Variants in NCALD observed in about 807,000 individuals in gnomAD.
NCALD encodes neurocalcin delta, also known as neurocalcin-delta.
Under a neutral mutation model 18.6 loss-of-function variants are expected in NCALD, and 10 were observed. The observed-to-expected ratio is 0.54, with a 90% CI of 0.33 to 0.91. The LOEUF (loss-of-function observed/expected upper bound fraction) is 0.91. Ranked by LOEUF, NCALD falls within the 40% of genes least tolerant of loss-of-function variation. The pLI is 0.03. For missense variants in NCALD, 184 were observed against 247.6 expected (o/e 0.74, Z 1.72); for synonymous variants, 88 against 87.4 (o/e 1.01, Z -0.04).
chr8:101,776,772 A>G (rs1308296664), intron 1 of NCALD, among the ~76,000 whole-genome samples: 1 of 152,192 alleles, frequency 6.6e-6, no homozygotes, highest in East Asian at 1.9e-4. Context: ...ACATTTGCAA[A>G]GAAGACTGAT....
chr8:101,965,997 C>T (rs1357748674), intron 2 of NCALD, among the ~76,000 whole-genome samples: 1 of 151,892 alleles, frequency 6.6e-6, no homozygotes, highest in African/African-American at 2.4e-5. Flanking sequence ...TAATAAACAA[C>T]ATAAATGTTT....
intron 1 of NCALD, among the ~76,000 whole-genome samples, chr8:101,754,679 T>C (rs142029011): frequency 7.0e-4 from 106 of 152,268 alleles, no homozygotes; most frequent in African/African-American, 2.5e-3. Flanking sequence ...ATTCAGACCA[T>C]AGCAGGTGTT....
rs114275583 is a variant in NCALD, at chr8:101,995,456, C to T, written c.-157+24781G>A. On this transcript the variant is annotated intron_variant, in intron 2 of 6. Coordinates refer to the NCALD transcript ENST00000311028. ...GGTTCTGCAGGCTGTATAGGAAGCACAGTGGCATATGCTTCTGGGGAGGCC... is the reference window on the plus strand; with the variant it reads ...GGTTCTGCAGGCTGTATAGGAAGCATAGTGGCATATGCTTCTGGGGAGGCC... Among the ~76,000 whole-genome samples the T allele has an allele frequency of 7.5e-3, 1,148 of 152,234 alleles. 14 individuals carry two copies. The highest frequency in any genetic ancestry group is 0.023 in the African/African-American group (949 of 41,514).
chr8:101,749,739 G>A (rs1383359233), intron 1 of NCALD, among the ~76,000 whole-genome samples: 2 of 152,152 alleles, frequency 1.3e-5, no homozygotes, highest in Non-Finnish European at 1.5e-5. Context: ...CACTGGGTGA[G>A]CCCTCCAGTC....
chr8:101,976,973 G>A (rs34417909), intron 2 of NCALD, among the ~76,000 whole-genome samples: 23,566 of 151,898 alleles, frequency 0.16, 2,604 homozygotes, highest in African/African-American at 0.31. Flanking sequence ...AGTTAGGGAG[G>A]GCCCCTGACC....
At chr8:101,953,903 G>C (rs909624581) in intron 2 of NCALD, among the ~76,000 whole-genome samples, 4 of 152,250 alleles carry the variant, frequency 2.6e-5, no homozygotes, top group Non-Finnish European at 5.9e-5. Context: ...ATCAATCCCA[G>C]AGCTTGTGGC....
chr8:102,003,629 A>G (rs192748459), intron 2 of NCALD, among the ~76,000 whole-genome samples: 1 of 152,358 alleles, frequency 6.6e-6, no homozygotes, highest in African/African-American at 2.4e-5. Context: ...AAAATCCTCA[A>G]TAAAATACTG....
intron 4 of NCALD, among the ~76,000 whole-genome samples, chr8:101,796,699 T>C (rs990849554): frequency 2.0e-5 from 3 of 152,114 alleles, no homozygotes; most frequent in Non-Finnish European, 4.4e-5. Flanking sequence ...GAAAGGCTAA[T>C]GTGAATTTGA....
intron 2 of NCALD, among the ~76,000 whole-genome samples, chr8:102,014,206 G>A (rs1328459543): frequency 6.6e-6 from 1 of 152,190 alleles, no homozygotes; most frequent in African/African-American, 2.4e-5. Context: ...CAGTTCTGGA[G>A]GCTGGGAAGT....
intron 4 of NCALD, among the ~76,000 whole-genome samples, chr8:101,858,575 G>A (rs1274380255): frequency 6.6e-6 from 1 of 152,058 alleles, no homozygotes; most frequent in Non-Finnish European, 1.5e-5. Flanking sequence ...TAAGACCAGA[G>A]GCTGAAAATG....
At chr8:102,088,180 C>A (rs995987275) in intron 1 of NCALD, among the ~76,000 whole-genome samples, 1 of 152,202 alleles carries the variant, frequency 6.6e-6, no homozygotes, top group African/African-American at 2.4e-5. Flanking sequence ...GGGAGCTTGA[C>A]CTTGTAACCA....
intron 1 of NCALD, among the ~76,000 whole-genome samples, chr8:102,091,265 A>C (rs1824915576): frequency 6.6e-6 from 1 of 152,248 alleles, no homozygotes; most frequent in South Asian, 2.1e-4. Context: ...AAAGCAAATC[A>C]GTCTTACCAG....
intron 1 of NCALD, among the ~76,000 whole-genome samples, chr8:102,068,883 A>G (rs982289949): frequency 4.6e-5 from 7 of 152,360 alleles, no homozygotes; most frequent in Middle Eastern, 3.4e-3. Flanking sequence ...TGGCAGCACC[A>G]TAAATGAACC....
At chr8:101,869,039 C>T (rs540197395) in intron 4 of NCALD, among the ~76,000 whole-genome samples, 1 of 152,308 alleles carries the variant, frequency 6.6e-6, no homozygotes, top group South Asian at 2.1e-4. Flanking sequence ...GCAGACAAAA[C>T]AGTTCTAGTG....
intron 3 of NCALD, 97 bp downstream of exon 3, chr8:101,692,694 C>T: frequency 7.0e-7 from 1 of 1,428,282 alleles, no homozygotes; most frequent in Non-Finnish European, 9.6e-7. Flanking sequence ...ATGAGCCGCT[C>T]ACATTGAAGG....
chr8:101,907,303 T>C (rs1032569307), intron 3 of NCALD, among the ~76,000 whole-genome samples: 1 of 152,200 alleles, frequency 6.6e-6, no homozygotes, highest in Non-Finnish European at 1.5e-5. Flanking sequence ...ACTAAATCTT[T>C]CCTCTTGGCT....
chr8:101,819,551 AT>A lies in NCALD; in HGVS notation c.-20+67589del, dbSNP rs564493650. On this transcript the variant is annotated intron_variant, in intron 4 of 6. Coordinates refer to the NCALD transcript ENST00000311028. ...TATCCCAGTGAGATTATTATTCCTT[AT>A]TTTTTACTATATAAGCGCTACATTG... Among the ~76,000 whole-genome samples, 242 of 151,822 alleles carry A rather than the reference AT, an allele frequency of 1.6e-3. 2 individuals carry two copies. The highest frequency in any genetic ancestry group is 2.2e-3 in the Non-Finnish European group (147 of 67,954).
In NCALD at chr8:101,724,020, C is replaced by T. The variant is rs561758469; in HGVS notation, c.-19-4372G>A. Among the ~76,000 whole-genome samples the T allele has an allele frequency of 5.3e-5, 8 of 152,290 alleles. No individual in the cohort carries two copies. The South Asian group carries it at 1.7e-3, about 32-fold the overall frequency. On this transcript the variant is annotated intron_variant, in intron 1 of 3. Transcript: ENST00000220931. ...ATCTAAAATAGTAATGCTAATACTG[C>T]TTCAGTAAACTAGATTTACTAATTT...
chr8:101,719,673 A>G lies in NCALD; in HGVS notation c.-19-25T>C, dbSNP rs150580660. ...GCTGCAGATAGAAAAGAAAACATAT[A>G]TAATTTGTAGAGCTGCTCTTTAGGG... On this transcript the variant is annotated intron_variant, in intron 1 of 3. Coordinates refer to ENST00000220931, the MANE Select transcript of NCALD (RefSeq NM_032041.3). The G allele has an allele frequency of 2.7e-4, 419 of 1,524,772 alleles. 1 individual carries two copies. The African/African-American group carries it at 5.0e-3, about 18-fold the overall frequency. 94.5% of individuals were successfully genotyped at this position (1,524,772 alleles called of 1,614,324 possible). A position where few individuals can be genotyped will look rare whatever the true frequency, so the allele number is the denominator to read the frequency against.
Sources: allele counts gnomAD v4.1 joint callset (sites outside exome capture counted in the v4.1 genomes callset), GRCh38; gene constraint gnomAD v4.1.1; transcripts MANE v1.5; gene names NCBI Gene and HGNC (gene_info 2026-07-23, HGNC 2026-07-21).